KCNQ1OT1: variants seen among roughly 807,000 people sequenced by gnomAD.
The protein encoded by KCNQ1OT1 is KCNQ1 opposite strand/antisense transcript 1.
exon 1 of KCNQ1OT1, chr11:2,622,599 C>T (rs1034903572): frequency 8.5e-5 from 34 of 398,498 alleles, no homozygotes; most frequent in Admixed American, 4.4e-5. Context: ...TTTTGCCTTA[C>T]ATTTTTTAAA....
exon 1 of KCNQ1OT1, chr11:2,688,192 AG>A (rs1245536054): frequency 2.5e-6 from 1 of 398,738 alleles, no homozygotes; most frequent in Non-Finnish European, 4.4e-6. Flanking sequence ...GCAAGGGGGC[AG>A]GAGGGGCTGC....
exon 1 of KCNQ1OT1, chr11:2,632,641 C>A (rs1287902043): frequency 2.5e-6 from 1 of 398,216 alleles, no homozygotes; most frequent in African/African-American, 2.1e-5. Flanking sequence ...TATTCATCAA[C>A]TCAAATATCA....
In KCNQ1OT1 at chr11:2,626,753, T is replaced by G; in HGVS notation, n.73242A>C. The G allele has an allele frequency of 2.5e-6, 1 of 398,496 alleles. No homozygotes were observed. The highest frequency in any genetic ancestry group is 4.4e-5 in the Admixed American group (1 of 22,704). 24.7% of individuals were successfully genotyped at this position (398,496 alleles called of 1,614,324 possible). The stretch of plus-strand genomic sequence containing the variant: ...TGTGTTCCCCAGGCTGGTCTCAAAC[T>G]CCTGGACTCAGAAGTCCTCCCACCT... On this transcript the variant is annotated non_coding_transcript_exon_variant, in exon 1 of 1. Transcript: ENST00000597346. The surrounding 1 kb of genome is among the most constrained non-coding windows in gnomAD (Gnocchi z 4.0).
In KCNQ1OT1 at chr11:2,620,477, A is replaced by G; in HGVS notation, n.79518T>C. Reference sequence around the variant, plus strand: ...GTGATCCACCCGCCTTGGCCTCCCAAAGTGCTGGGATTACAGGTGAGAGCT... The same window carrying G: ...GTGATCCACCCGCCTTGGCCTCCCAGAGTGCTGGGATTACAGGTGAGAGCT... On this transcript the variant is annotated non_coding_transcript_exon_variant, in exon 1 of 1. Coordinates refer to ENST00000597346, the Ensembl canonical transcript of KCNQ1OT1. The surrounding 1 kb of genome is among the most constrained non-coding windows in gnomAD (Gnocchi z 4.5). The G allele has an allele frequency of 2.9e-6, 1 of 341,776 alleles. No individual in the cohort carries two copies. The highest frequency in any genetic ancestry group is 4.8e-5 in the Admixed American group (1 of 20,804). The allele number at this position is 341,776 out of a possible 1,614,324, so 21.2% of individuals were successfully genotyped here. A position where few individuals can be genotyped will look rare whatever the true frequency, so the allele number is the denominator to read the frequency against.
rs1429563871 is a variant in KCNQ1OT1 at position 2,663,522 on chromosome 11, GT to G, written n.36472del. On this transcript the variant is annotated non_coding_transcript_exon_variant, in exon 1 of 1. Coordinates refer to ENST00000597346, the Ensembl canonical transcript of KCNQ1OT1. This position sits in a 1 kb window ranked among gnomAD's most constrained non-coding sequence, Gnocchi z 5.2. The stretch of plus-strand genomic sequence containing the variant: ...GCAGTGCCTGTATTGCCTCTTGGCT[GT>G]CCCCTCAGAGAGGGGACTGTCCCTT... The G allele has an allele frequency of 7.5e-6, 3 of 398,520 alleles. No individual in the cohort carries two copies. The highest frequency in any genetic ancestry group is 6.2e-5 in the African/African-American group (3 of 48,634). The allele number at this position is 398,520 out of a possible 1,614,324, so 24.7% of individuals were successfully genotyped here. A position where few individuals can be genotyped will look rare whatever the true frequency, so the allele number is the denominator to read the frequency against.
chr11:2,649,458 T>G (rs1849724539), exon 1 of KCNQ1OT1: 1 of 398,452 alleles, frequency 2.5e-6, no homozygotes, highest in South Asian at 1.3e-4. Context: ...GCATTTCTTG[T>G]GGGGCTGATT....
rs552825242 is a variant in KCNQ1OT1, at chr11:2,624,568, T to A, written n.75427A>T. 7.0e-5 allele frequency: 28 copies of A among 398,544 alleles called. No individual in the cohort carries two copies. Among genetic ancestry groups the A allele is most frequent in the Admixed American group, 6.2e-4 (14 of 22,724 alleles). The allele number at this position is 398,544 out of a possible 1,614,324, so 24.7% of individuals were successfully genotyped here. On this transcript the variant is annotated non_coding_transcript_exon_variant, in exon 1 of 1. Coordinates refer to ENST00000597346, the Ensembl canonical transcript of KCNQ1OT1. The surrounding 1 kb of genome is among the most constrained non-coding windows in gnomAD (Gnocchi z 4.9). ...TGTTGTTGATTTCCAAATCTTTTAT[T>A]GTGGCAAAATACACTTAACATAAAA...
chr11:2,615,711 C>T (rs1849050258), exon 1 of KCNQ1OT1: 4 of 397,810 alleles, frequency 1.0e-5, no homozygotes, highest in Admixed American at 4.4e-5. Context: ...CTGAACCACC[C>T]TTGTATTCTT....
In KCNQ1OT1 at chr11:2,621,126, C is replaced by T. The variant is rs529120598; in HGVS notation, n.78869G>A. On this transcript the variant is annotated non_coding_transcript_exon_variant, in exon 1 of 1. Coordinates refer to ENST00000597346, the Ensembl canonical transcript of KCNQ1OT1. The surrounding 1 kb of genome is among the most constrained non-coding windows in gnomAD (Gnocchi z 5.7). The stretch of plus-strand genomic sequence containing the variant: ...CTGAGTAGCTGGGATTACAGGTGAC[C>T]GCCACCATACCTGGCTAATTTTTGT... 3.0e-5 allele frequency: 12 copies of T among 396,606 alleles called. No homozygotes were observed. The highest frequency in any genetic ancestry group is 2.9e-4 in the South Asian group (2 of 6,988). The allele number at this position is 396,606 out of a possible 1,614,324, so 24.6% of individuals were successfully genotyped here.
chr11:2,693,859 A>C (rs888179659), exon 1 of KCNQ1OT1: 3 of 398,714 alleles, frequency 7.5e-6, no homozygotes, highest in East Asian at 7.1e-5. Context: ...TTGCCCTCCC[A>C]TCCAGGCCTG....
chr11:2,634,210 T>A (rs1336640120), exon 1 of KCNQ1OT1: 2 of 396,192 alleles, frequency 5.0e-6, no homozygotes, highest in Non-Finnish European at 8.9e-6. Flanking sequence ...AGGGTACATG[T>A]GCACAACGTG....
chr11:2,663,124 A>T lies in KCNQ1OT1; in HGVS notation n.36871T>A, dbSNP rs1468942623. 1 of 398,692 alleles carries T rather than the reference A, an allele frequency of 2.5e-6. No individual in the cohort carries two copies. Among genetic ancestry groups the T allele is most frequent in the South Asian group, 1.3e-4 (1 of 7,862 alleles). 24.7% of individuals were successfully genotyped at this position (398,692 alleles called of 1,614,324 possible). On this transcript the variant is annotated non_coding_transcript_exon_variant, in exon 1 of 1. Coordinates refer to ENST00000597346, the Ensembl canonical transcript of KCNQ1OT1. This position sits in a 1 kb window ranked among gnomAD's most constrained non-coding sequence, Gnocchi z 5.2. The stretch of plus-strand genomic sequence containing the variant: ...GGAGTGGCTATCTTAAGGGGTAATT[A>T]TGATCAGACAGGACCTGCCCACTGT...
At position 2,652,696 on chromosome 11, in the gene KCNQ1OT1, GCT is replaced by G. The variant is rs1251882115; in HGVS notation, n.47297_47298del. The stretch of plus-strand genomic sequence containing the variant: ...TTTTAGTTGTGTGGGTGGCTGTGTT[GCT>G]CTCTTTCCGTTTCCTGGGCTCACTC... On this transcript the variant is annotated non_coding_transcript_exon_variant, in exon 1 of 1. Transcript: ENST00000597346. The surrounding 1 kb of genome is among the most constrained non-coding windows in gnomAD (Gnocchi z 5.9). The G allele has an allele frequency of 2.5e-6, 1 of 398,738 alleles. No individual in the cohort carries two copies. 24.7% of individuals were successfully genotyped at this position (398,738 alleles called of 1,614,324 possible).
In KCNQ1OT1 at chr11:2,651,790, C is replaced by T. The variant is rs1473098914; in HGVS notation, n.48205G>A. 4 of 398,506 alleles carry T rather than the reference C, an allele frequency of 1.0e-5. No individual in the cohort carries two copies. The highest frequency in any genetic ancestry group is 1.3e-5 in the Non-Finnish European group (3 of 226,104). The allele number at this position is 398,506 out of a possible 1,614,324, so 24.7% of individuals were successfully genotyped here. On this transcript the variant is annotated non_coding_transcript_exon_variant, in exon 1 of 1. Transcript: ENST00000597346. This position sits in a 1 kb window ranked among gnomAD's most constrained non-coding sequence, Gnocchi z 6.1. ...TGTTGACCATTTTGATTCCTGGGCC[C>T]CTTAAGAGTCCATTAGCATTGGAAT...
rs141458220 is a variant in KCNQ1OT1, at chr11:2,651,957, G to A, written n.48038C>T. The A allele has an allele frequency of 2.5e-6, 1 of 398,686 alleles. No individual in the cohort carries two copies. The highest frequency in any genetic ancestry group is 2.1e-5 in the African/African-American group (1 of 48,750). 24.7% of individuals were successfully genotyped at this position (398,686 alleles called of 1,614,324 possible). On this transcript the variant is annotated non_coding_transcript_exon_variant, in exon 1 of 1. Transcript: ENST00000597346. The surrounding 1 kb of genome is among the most constrained non-coding windows in gnomAD (Gnocchi z 6.1). Reference sequence around the variant, plus strand: ...CAGCCCTCCTGCAGCCAGCAGCAGTGGGGGAGCCAAGCTGAGTTGATTACT... The same window carrying A: ...CAGCCCTCCTGCAGCCAGCAGCAGTAGGGGAGCCAAGCTGAGTTGATTACT...
chr11:2,688,738 T>C (rs565624559), exon 1 of KCNQ1OT1: 23 of 398,830 alleles, frequency 5.8e-5, no homozygotes, highest in Non-Finnish European at 9.3e-5. Flanking sequence ...GGCTCTGAGC[T>C]GCTGCTGGTT....
chr11:2,699,969 T>C (rs1850766697), exon 1 of KCNQ1OT1: 1 of 398,334 alleles, frequency 2.5e-6, no homozygotes, highest in Non-Finnish European at 4.4e-6. Flanking sequence ...TGGAGGTCCG[T>C]GCTGAGGCGA....
chr11:2,671,187 G>T lies in KCNQ1OT1; in HGVS notation n.28808C>A. ...AAATAGGGCCTTGTTAGGAGAAAAG[G>T]AAAGAAAAATAAAAGGTAGAGAGAC... On this transcript the variant is annotated non_coding_transcript_exon_variant, in exon 1 of 1. Transcript: ENST00000597346. The surrounding 1 kb of genome is among the most constrained non-coding windows in gnomAD (Gnocchi z 4.7). 1 of 398,606 alleles carries T rather than the reference G, an allele frequency of 2.5e-6. No homozygotes were observed. The highest frequency in any genetic ancestry group is 4.4e-6 in the Non-Finnish European group (1 of 226,082). The allele number at this position is 398,606 out of a possible 1,614,324, so 24.7% of individuals were successfully genotyped here.
chr11:2,658,066 G>T lies in KCNQ1OT1; in HGVS notation n.41929C>A, dbSNP rs1242554125. The T allele has an allele frequency of 2.5e-6, 1 of 398,404 alleles. No homozygotes were observed. Among genetic ancestry groups the T allele is most frequent in the South Asian group, 1.3e-4 (1 of 7,850 alleles). The allele number at this position is 398,404 out of a possible 1,614,324, so 24.7% of individuals were successfully genotyped here. ...TCACTAAGTATAGCCCACACTCAAGGTGGGGAAGGGAGGGGTTCAACTCTA... is the reference window on the plus strand; with the variant it reads ...TCACTAAGTATAGCCCACACTCAAGTTGGGGAAGGGAGGGGTTCAACTCTA... On this transcript the variant is annotated non_coding_transcript_exon_variant, in exon 1 of 1. Transcript: ENST00000597346. The surrounding 1 kb of genome is among the most constrained non-coding windows in gnomAD (Gnocchi z 4.9).
Sources: allele counts gnomAD v4.1 joint callset, GRCh38; gene constraint gnomAD v4.1.1; non-coding constraint Gnocchi (gnomAD v3.1); transcripts MANE v1.5; gene names NCBI Gene and HGNC (gene_info 2026-07-23, HGNC 2026-07-21).